The following MSRA variants were observed in gnomAD, a reference collection of about 807,000 sequenced individuals.
The protein encoded by MSRA is mitochondrial peptide methionine sulfoxide reductase.
In MSRA, 54 loss-of-function variants were observed where a neutral mutation model predicts 31.3. That is an observed-to-expected ratio of 1.73 (90% CI 1.39 to 2.17). The LOEUF (loss-of-function observed/expected upper bound fraction) is 2.17, where lower values mean the gene tolerates loss of function less well. MSRA is among the 30% of genes most tolerant of loss of function. The pLI is 0.00. For synonymous variants in MSRA, 169 were observed against 116.5 expected (o/e 1.45, Z -2.90); for missense variants, 507 against 300.9 (o/e 1.69, Z -5.07).
chr8:10,349,668 C>G (rs1168942501), intron 5 of MSRA, among the ~76,000 whole-genome samples: 1 of 152,350 alleles, frequency 6.6e-6, no homozygotes, highest in South Asian at 2.1e-4. Context: ...CCCTCTGTGC[C>G]TAGTACGGGG....
intron 2 of MSRA, among the ~76,000 whole-genome samples, chr8:10,216,161 C>G (rs1275899384): frequency 6.6e-6 from 1 of 152,122 alleles, no homozygotes; most frequent in East Asian, 1.9e-4. Context: ...AGCCATTTAT[C>G]TTGGGACTTG....
chr8:10,145,570 C>T (rs909156065), intron 1 of MSRA, among the ~76,000 whole-genome samples: 2 of 152,140 alleles, frequency 1.3e-5, no homozygotes, highest in Non-Finnish European at 2.9e-5. Flanking sequence ...ATCCACGGGG[C>T]GGGTGGCCTT....
At chr8:10,213,029 T>C (rs1809647160) in intron 2 of MSRA, among the ~76,000 whole-genome samples, 1 of 152,234 alleles carries the variant, frequency 6.6e-6, no homozygotes, top group Non-Finnish European at 1.5e-5. Flanking sequence ...TTATCCTTTA[T>C]GTTACAAACA....
chr8:10,301,841 G>GC (rs1306661836), intron 4 of MSRA, among the ~76,000 whole-genome samples: 5 of 152,090 alleles, frequency 3.3e-5, no homozygotes, highest in Non-Finnish European at 7.4e-5. Context: ...CGGCGCCCCT[G>GC]CCCCCCTTAC....
At chr8:10,071,793 A>T (rs765857795) in intron 1 of MSRA, among the ~76,000 whole-genome samples, 12 of 152,176 alleles carry the variant, frequency 7.9e-5, no homozygotes, top group Non-Finnish European at 1.8e-4. Context: ...GAGGTTAGCA[A>T]AAACCATCAT....
At chr8:10,080,158 A>C (rs1030283306) in intron 1 of MSRA, among the ~76,000 whole-genome samples, 1 of 152,168 alleles carries the variant, frequency 6.6e-6, no homozygotes, top group Non-Finnish European at 1.5e-5. Flanking sequence ...ATGGAGGCCT[A>C]GCAGACTGGT....
chr8:10,398,974 G>A (rs914831718), intron 5 of MSRA, among the ~76,000 whole-genome samples: 11 of 152,162 alleles, frequency 7.2e-5, no homozygotes, highest in Non-Finnish European at 1.5e-5. Flanking sequence ...GTGGAGGGAC[G>A]GCTCTGGGAA....
At chr8:10,266,378 T>G (rs1029319014) in intron 3 of MSRA, among the ~76,000 whole-genome samples, 1 of 152,262 alleles carries the variant, frequency 6.6e-6, no homozygotes, top group African/African-American at 2.4e-5. Flanking sequence ...TTACTTGCCA[T>G]GTGTATGTCT....
At chr8:10,059,218 G>T (rs190972553) in intron 1 of MSRA, 4 of 152,206 alleles carry the variant, frequency 2.6e-5, no homozygotes, top group African/African-American at 9.6e-5. Flanking sequence ...ATAAATTTCA[G>T]TGTTTGATGG....
intron 5 of MSRA, among the ~76,000 whole-genome samples, chr8:10,372,975 C>T (rs992466029): frequency 1.3e-5 from 2 of 152,226 alleles, no homozygotes; most frequent in African/African-American, 4.8e-5. Context: ...TTGCAACCTC[C>T]GCCTCTGAGG....
intron 5 of MSRA, among the ~76,000 whole-genome samples, chr8:10,411,952 A>G (rs889643294): frequency 1.3e-5 from 2 of 152,208 alleles, no homozygotes; most frequent in African/African-American, 4.8e-5. Context: ...TGTGTCGTCC[A>G]CAGAGTGGTT....
rs1001173404 is a variant in MSRA, at chr8:10,428,091, T to A, written c.544-57T>A. 41 of 1,562,720 alleles carry A rather than the reference T, an allele frequency of 2.6e-5. No homozygotes were observed. In the African/African-American group the frequency reaches 5.5e-4, roughly 21 times the overall value. On this transcript the variant is annotated intron_variant, in intron 5 of 5. Transcript: ENST00000317173. ...AGCCCTGGCCCCTCAGTGCCACCCC[T>A]CGCAGGTGCTGTCTCTCTAGCATGG... is the stretch of plus-strand genomic sequence containing the variant.
chr8:10,388,703 T>A (rs76880867), intron 5 of MSRA, among the ~76,000 whole-genome samples: 2,853 of 152,160 alleles, frequency 0.019, 40 homozygotes, highest in Non-Finnish European at 0.032. Context: ...GGAGCTAATA[T>A]CATATTTAAT....
chr8:10,171,976 A>G (rs1204663057), intron 1 of MSRA, among the ~76,000 whole-genome samples: 1 of 152,246 alleles, frequency 6.6e-6, no homozygotes, highest in Non-Finnish European at 1.5e-5. Context: ...AACCAGAGGA[A>G]CTTAGGTTAT....
At chr8:10,264,755 G>T (rs143568819) in intron 3 of MSRA, among the ~76,000 whole-genome samples, 120 of 152,314 alleles carry the variant, frequency 7.9e-4, no homozygotes, top group Non-Finnish European at 1.5e-3. Context: ...AATGGGCGAG[G>T]GAGACAATCC....
chr8:10,252,389 C>G (rs75649950), intron 3 of MSRA, among the ~76,000 whole-genome samples: 6 of 152,058 alleles, frequency 3.9e-5, no homozygotes, highest in Non-Finnish European at 8.8e-5. Context: ...TCATTTGGTT[C>G]CTGTTTATGA....
At chr8:10,125,712 T>G (rs889828518) in intron 1 of MSRA, among the ~76,000 whole-genome samples, 1 of 152,200 alleles carries the variant, frequency 6.6e-6, no homozygotes, top group Admixed American at 6.5e-5. Flanking sequence ...CTCTTAAATG[T>G]TTGTGGTGGT....
intron 1 of MSRA, among the ~76,000 whole-genome samples, chr8:10,096,872 T>C (rs531801301): frequency 6.6e-6 from 1 of 152,210 alleles, no homozygotes; most frequent in Non-Finnish European, 1.5e-5. Context: ...GTTTGACTTG[T>C]AGGATTAAGT....
chr8:10,199,190 C>G (rs1274445794), intron 1 of MSRA, among the ~76,000 whole-genome samples: 1 of 152,098 alleles, frequency 6.6e-6, no homozygotes, highest in Admixed American at 6.5e-5. Context: ...CCGCTGGGTT[C>G]CTCTTGCACT....
Sources: gnomAD v4.1 joint callset for allele counts (sites outside exome capture counted in the v4.1 genomes callset) on GRCh38, gnomAD v4.1.1 for gene constraint, MANE v1.5 for transcripts, NCBI Gene and HGNC (gene_info 2026-07-23, HGNC 2026-07-21) for gene names.